The following SCOC variants were observed in gnomAD, a reference collection of about 807,000 sequenced individuals.
The protein encoded by SCOC is short coiled coil protein.
Under a neutral mutation model 9.9 loss-of-function variants are expected in SCOC, and 7 were observed. The ratio of observed to expected loss-of-function variants is 0.71; its 90% CI spans 0.40 to 1.33. The LOEUF (loss-of-function observed/expected upper bound fraction) is 1.33. Among genes scored for constraint, SCOC ranks in the 40% most tolerant of loss-of-function variants. The pLI, the probability that SCOC is intolerant of heterozygous loss-of-function variation, is 0.01. For missense variants in SCOC, 66 were observed against 89.7 expected (o/e 0.74, Z 1.07); for synonymous variants, 19 against 28.2 (o/e 0.67, Z 1.03).
At chr4:140,364,575 AG>A (rs1238614702) in intron 2 of SCOC, among the ~76,000 whole-genome samples, 1 of 152,198 alleles carries the variant, frequency 6.6e-6, no homozygotes, top group Non-Finnish European at 1.5e-5. Flanking sequence ...GTGCAAATGC[AG>A]GGGGGTTATG....
At chr4:140,368,984 T>C (rs1727927424), upstream of SCOC, among the ~76,000 whole-genome samples, 1 of 152,150 alleles carries the variant, frequency 6.6e-6, no homozygotes, top group South Asian at 2.1e-4. Flanking sequence ...TTCCTAATTA[T>C]TTCCATTTTT....
intron 1 of SCOC, among the ~76,000 whole-genome samples, chr4:140,294,881 C>T (rs1052643174): frequency 1.3e-5 from 2 of 152,186 alleles, no homozygotes; most frequent in Non-Finnish European, 2.9e-5. Flanking sequence ...ATAACTATTT[C>T]TTCTCCAAGG....
intron 2 of SCOC, chr4:140,366,431 G>A (rs1206830769): frequency 6.9e-6 from 10 of 1,439,044 alleles, no homozygotes; most frequent in African/African-American, 2.8e-5. Context: ...AGCACGCTTC[G>A]CAGCAGGTGC....
chr4:140,285,237 C>T (rs756687965), intron 1 of SCOC: 3 of 456,694 alleles, frequency 6.6e-6, no homozygotes, highest in East Asian at 6.9e-5. Context: ...TCCCTGCAAT[C>T]GACATATCCT....
At chr4:140,337,985 G>A (rs913640754) in intron 1 of SCOC, among the ~76,000 whole-genome samples, 134 of 152,230 alleles carry the variant, frequency 8.8e-4, no homozygotes, top group African/African-American at 3.1e-3. Flanking sequence ...GCCTGGCAGA[G>A]ACACAACAAA....
intron 3 of SCOC, among the ~76,000 whole-genome samples, chr4:140,380,555 TTACAA>T (rs1345814255): frequency 8.5e-5 from 13 of 152,256 alleles, no homozygotes; most frequent in African/African-American, 2.9e-4. Context: ...CTTGATAATG[TTACAA>T]TACAAGATGA....
upstream of SCOC, among the ~76,000 whole-genome samples, chr4:140,372,444 A>G (rs749942627): frequency 6.6e-6 from 1 of 152,200 alleles, no homozygotes; most frequent in African/African-American, 2.4e-5. Flanking sequence ...ATATTCCACA[A>G]TCTTGGAAAA....
intron 1 of SCOC, among the ~76,000 whole-genome samples, chr4:140,287,944 G>A (rs1000064272): frequency 2.0e-5 from 3 of 151,714 alleles, no homozygotes; most frequent in African/African-American, 7.3e-5. Flanking sequence ...ATGTGTGTGG[G>A]CACATGCATA....
intron 2 of SCOC, among the ~76,000 whole-genome samples, chr4:140,361,613 T>A (rs941101305): frequency 6.6e-6 from 1 of 152,170 alleles, no homozygotes; most frequent in Non-Finnish European, 1.5e-5. Context: ...GAGCCATGAC[T>A]GTGCCACTGC....
chr4:140,371,169 G>C (rs1458030895), upstream of SCOC, among the ~76,000 whole-genome samples: 1 of 152,046 alleles, frequency 6.6e-6, no homozygotes, highest in African/African-American at 2.4e-5. Flanking sequence ...ACAGCCGTGA[G>C]CCACCGCGCC....
intron 1 of SCOC, among the ~76,000 whole-genome samples, chr4:140,296,212 C>G (rs983315941): frequency 9.2e-5 from 14 of 152,162 alleles, no homozygotes; most frequent in African/African-American, 3.4e-4. Flanking sequence ...CTTCACAGCC[C>G]CCACTGGCAT....
In SCOC at chr4:140,383,805, T is replaced by C. The variant is rs879564091; in HGVS notation, c.*2701T>C. On this transcript the variant is annotated 3_prime_UTR_variant, in exon 4 of 4. Coordinates refer to ENST00000608372, the MANE Select transcript of SCOC (RefSeq NM_001153484.2). ...AGCCTTTTTATCAGTGTGCTTCTGA[T>C]TGCATATGCCGAGGAACCACAACCA... The C allele has an allele frequency of 6.6e-6, 1 of 152,236 alleles. No homozygotes were observed. The highest frequency in any genetic ancestry group is 1.5e-5 in the Non-Finnish European group (1 of 68,042). 9.4% of individuals were successfully genotyped at this position (152,236 alleles called of 1,614,324 possible). A position where few individuals can be genotyped will look rare whatever the true frequency, so the allele number is the denominator to read the frequency against.
At chr4:140,322,399 G>A (rs1327228547) in intron 1 of SCOC, among the ~76,000 whole-genome samples, 1 of 152,142 alleles carries the variant, frequency 6.6e-6, no homozygotes, top group Non-Finnish European at 1.5e-5. Context: ...TACTCAAGTG[G>A]TCATGAACGG....
intron 1 of SCOC, among the ~76,000 whole-genome samples, chr4:140,286,717 C>A (rs1731279769): frequency 6.6e-6 from 1 of 152,182 alleles, no homozygotes; most frequent in Admixed American, 6.5e-5. Context: ...AGCTTGTGGC[C>A]CAATACTGGG....
chr4:140,312,426 A>T (rs1453905684), intron 1 of SCOC, among the ~76,000 whole-genome samples: 2 of 152,122 alleles, frequency 1.3e-5, no homozygotes, highest in African/African-American at 2.4e-5. Context: ...TATTTATTTA[A>T]TTAATTAATT....
chr4:140,287,992 A>G (rs1731347263), intron 1 of SCOC, among the ~76,000 whole-genome samples: 1 of 151,998 alleles, frequency 6.6e-6, no homozygotes, highest in African/African-American at 2.4e-5. Flanking sequence ...AACACATACT[A>G]CATGCACCAC....
At chr4:140,319,984 A>T (rs145514923) in intron 1 of SCOC, among the ~76,000 whole-genome samples, 75 of 152,340 alleles carry the variant, frequency 4.9e-4, no homozygotes, top group African/African-American at 1.5e-3. Context: ...AGTGTGAGCT[A>T]GTATCAGAGG....
chr4:140,276,669 C>A (rs865816667), intron 1 of SCOC, among the ~76,000 whole-genome samples: 10 of 151,658 alleles, frequency 6.6e-5, no homozygotes, highest in African/African-American at 1.5e-4. Context: ...CTTGGGGAGG[C>A]TGGTCTTGAA....
At chr4:140,315,910 T>C (rs1453986883) in intron 1 of SCOC, among the ~76,000 whole-genome samples, 1 of 152,094 alleles carries the variant, frequency 6.6e-6, no homozygotes, top group Non-Finnish European at 1.5e-5. Flanking sequence ...TACTGTAGCA[T>C]TAAGATAGCA....
Sources: gnomAD v4.1 joint callset for allele counts (sites outside exome capture counted in the v4.1 genomes callset) on GRCh38, gnomAD v4.1.1 for gene constraint, MANE v1.5 for transcripts, NCBI Gene and HGNC (gene_info 2026-07-23, HGNC 2026-07-21) for gene names.